Variants in PIK3C3 observed in about 807,000 individuals in gnomAD.
The protein encoded by PIK3C3 is phosphatidylinositol 3-kinase catalytic subunit type 3.
Under a neutral mutation model 126.1 loss-of-function variants are expected in PIK3C3, and 95 were observed. That is an observed-to-expected ratio of 0.75 (90% confidence interval 0.64 to 0.89). The LOEUF (loss-of-function observed/expected upper bound fraction) is 0.89, where lower values mean the gene tolerates loss of function less well. Among genes scored for constraint, PIK3C3 ranks in the 40% least tolerant of loss-of-function variants. PIK3C3 has a pLI of 0.00. For synonymous variants in PIK3C3, 374 were observed against 360.0 expected (o/e 1.04, Z -0.44); for missense variants, 829 against 1,063.2 (o/e 0.78, Z 3.06).
intron 15 of PIK3C3, among the ~76,000 whole-genome samples, chr18:42,032,977 C>T (rs1160866207): frequency 6.6e-6 from 1 of 152,046 alleles, no homozygotes; most frequent in African/African-American, 2.4e-5. Flanking sequence ...TTGAGGCTTA[C>T]CCAGCAGCAC....
At chr18:42,057,067 C>A (rs569487520) in intron 21 of PIK3C3, among the ~76,000 whole-genome samples, 8 of 135,546 alleles carry the variant, frequency 5.9e-5, no homozygotes, top group Admixed American at 7.4e-5. Context: ...AACCCCCCCC[C>A]CCGTGTTGAC....
intron 7 of PIK3C3, among the ~76,000 whole-genome samples, chr18:41,993,736 C>T (rs768841445): frequency 2.5e-4 from 38 of 151,892 alleles, no homozygotes; most frequent in African/African-American, 8.2e-4. Context: ...AGGATGAATG[C>T]GTGAAAGTTT....
At chr18:42,008,851 T>A (rs1160637271) in intron 10 of PIK3C3, among the ~76,000 whole-genome samples, 1 of 152,292 alleles carries the variant, frequency 6.6e-6, no homozygotes, top group South Asian at 2.1e-4. Flanking sequence ...ATATAGAATA[T>A]GTAATGACCA....
intron 12 of PIK3C3, among the ~76,000 whole-genome samples, chr18:42,016,704 T>C (rs1021310091): frequency 6.6e-6 from 1 of 152,098 alleles, no homozygotes; most frequent in Non-Finnish European, 1.5e-5. Flanking sequence ...TAAGTGTATA[T>C]GTTTGAAGAA....
At chr18:41,974,453 CAT>C (rs540296542) in intron 4 of PIK3C3, among the ~76,000 whole-genome samples, 4 of 152,080 alleles carry the variant, frequency 2.6e-5, no homozygotes, top group Admixed American at 6.6e-5. Context: ...AAAAAGGAAA[CAT>C]AATCATTTTC....
chr18:41,985,398 G>T (rs1403250567), intron 4 of PIK3C3, among the ~76,000 whole-genome samples: 4 of 152,084 alleles, frequency 2.6e-5, no homozygotes, highest in African/African-American at 7.2e-5. Flanking sequence ...GAAATACACA[G>T]AATTTTTGCT....
chr18:42,066,397 CT>C (rs1985539145), intron 23 of PIK3C3, among the ~76,000 whole-genome samples: 1 of 149,738 alleles, frequency 6.7e-6, no homozygotes, highest in Admixed American at 6.6e-5. Context: ...GGGGACCACA[CT>C]TTATCCACTT....
chr18:42,009,076 A>C (rs1982681382), intron 10 of PIK3C3, among the ~76,000 whole-genome samples: 1 of 152,172 alleles, frequency 6.6e-6, no homozygotes, highest in African/African-American at 2.4e-5. Flanking sequence ...GCCATTAAAC[A>C]TATTGTTTAA....
rs759541727 is a variant in PIK3C3, at chr18:42,049,973, T to TA, written c.2263+369dup. 8.0e-3 allele frequency: 1,066 copies of TA among 133,094 alleles called. 11 individuals carry two copies. Among genetic ancestry groups the TA allele is most frequent in the African/African-American group, 0.01 (357 of 35,504 alleles). 8.2% of individuals were successfully genotyped at this position (133,094 alleles called of 1,614,324 possible). On this transcript the variant is annotated intron_variant, in intron 21 of 24. Transcript: ENST00000262039. The stretch of plus-strand genomic sequence containing the variant: ...AGGCAACAAGATCAAAACGCCATCT[T>TA]AGAAAAAAAAAAAAAAAAAGATGAG...
chr18:41,998,204 G>A (rs1982120354), intron 9 of PIK3C3, among the ~76,000 whole-genome samples: 1 of 152,074 alleles, frequency 6.6e-6, no homozygotes, highest in African/African-American at 2.4e-5. Flanking sequence ...TAATAAGAAT[G>A]AGAGAAGAAT....
At chr18:42,058,191 C>T in intron 22 of PIK3C3, 140 bp downstream of exon 22, 1 of 596,112 alleles carries the variant, frequency 1.7e-6, no homozygotes, top group Non-Finnish European at 2.7e-6. Flanking sequence ...TCCTATCTTA[C>T]ATTTAATACC....
In PIK3C3 at chr18:42,081,413, G is replaced by T. The variant is rs1184361151; in HGVS notation, c.*276G>T. ...AGAAATGAGAAACATTCTTATTTAT[G>T]TACATGTTATGAGAGTTCTGGAGGA... On this transcript the variant is annotated 3_prime_UTR_variant, in exon 25 of 25. Coordinates refer to ENST00000262039, the MANE Select transcript of PIK3C3 (RefSeq NM_002647.4). The T allele has an allele frequency of 5.8e-6, 2 of 347,392 alleles. No homozygotes were observed. The highest frequency in any genetic ancestry group is 1.0e-5 in the Non-Finnish European group (2 of 193,220). 21.5% of individuals were successfully genotyped at this position (347,392 alleles called of 1,614,324 possible).
intron 21 of PIK3C3, chr18:42,053,068 A>C (rs1377237767): frequency 6.6e-6 from 1 of 152,114 alleles, no homozygotes; most frequent in Non-Finnish European, 1.5e-5. Context: ...CAGTTCTTTG[A>C]TATGGGGGAT....
chr18:42,046,169 T>C (rs971260547), intron 20 of PIK3C3, among the ~76,000 whole-genome samples: 1 of 152,224 alleles, frequency 6.6e-6, no homozygotes, highest in African/African-American at 2.4e-5. Flanking sequence ...TTCCAACATT[T>C]CACATGTATT....
intron 9 of PIK3C3, among the ~76,000 whole-genome samples, chr18:41,998,506 G>C (rs971255788): frequency 4.2e-5 from 6 of 143,444 alleles, no homozygotes; most frequent in African/African-American, 1.2e-4. Context: ...AGAAAGGTTT[G>C]CAAGAAAAAT....
At chr18:41,961,780 G>A (rs1280322984) in intron 2 of PIK3C3, among the ~76,000 whole-genome samples, 1 of 151,964 alleles carries the variant, frequency 6.6e-6, no homozygotes, top group Admixed American at 6.6e-5. Context: ...AAATTTAAAA[G>A]TATAAGAAAA....
At position 42,015,503 on chromosome 18, in the gene PIK3C3, T is replaced by A. The variant is rs771851647; in HGVS notation, c.1353T>A (p.Pro451=). The A allele has an allele frequency of 2.4e-5, 39 of 1,613,514 alleles. No homozygotes were observed. Among genetic ancestry groups the A allele is most frequent in the Non-Finnish European group, 3.2e-5 (38 of 1,179,762 alleles). Residue 451 remains proline (P), a synonymous_variant, in exon 12 of 25, where the codon CCT becomes CCA. Coordinates refer to ENST00000262039, the MANE Select transcript of PIK3C3 (RefSeq NM_002647.4). ...CCCAAATTATAACCAGCCCCCTTCC[T>A]TCAGTCTCTTCACCTCCTCCTGCAT... ...DSSQIITSPL[P]SVSSPPPASK... is the part of the protein sequence containing the mutation.
At chr18:42,041,640 T>C (rs1055546345) in intron 19 of PIK3C3, among the ~76,000 whole-genome samples, 2 of 151,472 alleles carry the variant, frequency 1.3e-5, no homozygotes, top group South Asian at 4.1e-4. Context: ...ACACCTGAGA[T>C]GAAAGATAAT....
chr18:42,081,404 C>A lies in PIK3C3; in HGVS notation c.*267C>A. The stretch of plus-strand genomic sequence containing the variant: ...AATAAATTAAGAAATGAGAAACATT[C>A]TTATTTATGTACATGTTATGAGAGT... On this transcript the variant is annotated 3_prime_UTR_variant, in exon 25 of 25. Coordinates refer to ENST00000262039, the MANE Select transcript of PIK3C3 (RefSeq NM_002647.4). 1 of 358,758 alleles carries A rather than the reference C, an allele frequency of 2.8e-6. No individual in the cohort carries two copies. 22.2% of individuals were successfully genotyped at this position (358,758 alleles called of 1,614,324 possible).
Sources: gnomAD v4.1 joint callset for allele counts (sites outside exome capture counted in the v4.1 genomes callset) on GRCh38, gnomAD v4.1.1 for gene constraint, MANE v1.5 for transcripts, NCBI Gene and HGNC (gene_info 2026-07-23, HGNC 2026-07-21) for gene names.